HECW2: variants seen among roughly 807,000 people sequenced by gnomAD.
HECW2 encodes the protein HECT, C2 and WW domain containing E3 ubiquitin protein ligase 2, also known as E3 ubiquitin-protein ligase HECW2.
Under a neutral mutation model 175.2 loss-of-function variants are expected in HECW2, and 61 were observed. The ratio of observed to expected loss-of-function variants is 0.35; its 90% confidence interval spans 0.28 to 0.43. HECW2 has a LOEUF of 0.43. Among genes scored for constraint, HECW2 ranks in the 20% least tolerant of loss-of-function variants. HECW2 has a pLI of 1.00. For synonymous variants in HECW2, 671 were observed against 731.0 expected (o/e 0.92, Z 1.32); for missense variants, 1,524 against 2,000.5 (o/e 0.76, Z 4.54).
At chr2:196,512,444 T>C (rs1278648555) in intron 1 of HECW2, among the ~76,000 whole-genome samples, 1 of 152,132 alleles carries the variant, frequency 6.6e-6, no homozygotes, top group Non-Finnish European at 1.5e-5. Flanking sequence ...CAGGTTGGAG[T>C]GCAGTGGCAT....
intron 1 of HECW2, among the ~76,000 whole-genome samples, chr2:196,534,786 T>C (rs1469636472): frequency 6.6e-6 from 1 of 152,198 alleles, no homozygotes; most frequent in Non-Finnish European, 1.5e-5. Context: ...CTGCTTGCTT[T>C]GCCTACTCCA....
chr2:196,429,331 G>C (rs941771104), intron 2 of HECW2, among the ~76,000 whole-genome samples: 4 of 152,190 alleles, frequency 2.6e-5, no homozygotes, highest in Non-Finnish European at 5.9e-5. Flanking sequence ...GGCAGAAAAT[G>C]GACCCTTGTG....
At chr2:196,274,992 A>G (rs1010087258) in intron 15 of HECW2, among the ~76,000 whole-genome samples, 1 of 152,232 alleles carries the variant, frequency 6.6e-6, no homozygotes, top group South Asian at 2.1e-4. Flanking sequence ...GATTTTGAAA[A>G]GAGAGTTTTA....
At chr2:196,322,939 C>T (rs1240897225) in intron 6 of HECW2, among the ~76,000 whole-genome samples, 1 of 152,224 alleles carries the variant, frequency 6.6e-6, no homozygotes, top group African/African-American at 2.4e-5. Flanking sequence ...GTACTCCCTA[C>T]ATTTATTGTA....
At chr2:196,575,080 C>CAAAAAAAAAAAAAAAAAAA (rs1164886570) in intron 1 of HECW2, among the ~76,000 whole-genome samples, 1 of 29,844 alleles carries the variant, frequency 3.4e-5, no homozygotes, top group African/African-American at 1.6e-4. Flanking sequence ...GGCCTTGTCT[C>CAAAAAAAAAAAAAAAAAAA]AAAAAAAAAA....
intron 1 of HECW2, among the ~76,000 whole-genome samples, chr2:196,476,259 C>A (rs906508279): frequency 6.6e-6 from 1 of 152,026 alleles, no homozygotes; most frequent in African/African-American, 2.4e-5. Flanking sequence ...GCCTGGCCAA[C>A]ATGGCAAAAC....
At chr2:196,361,566 A>G (rs1196087603) in intron 2 of HECW2, among the ~76,000 whole-genome samples, 3 of 152,180 alleles carry the variant, frequency 2.0e-5, no homozygotes, top group Non-Finnish European at 4.4e-5. Flanking sequence ...AAAATTCACA[A>G]TGAGGTGACT....
intron 1 of HECW2, among the ~76,000 whole-genome samples, chr2:196,434,336 G>A (rs1695807579): frequency 6.6e-6 from 1 of 152,098 alleles, no homozygotes; most frequent in African/African-American, 2.4e-5. Context: ...TTGCCATCCT[G>A]ACTTTCTGGC....
At chr2:196,284,198 A>C (rs1236974319) in intron 14 of HECW2, among the ~76,000 whole-genome samples, 1 of 152,158 alleles carries the variant, frequency 6.6e-6, no homozygotes, top group Non-Finnish European at 1.5e-5. Flanking sequence ...GCAAAGTTTC[A>C]AGTGGAAAGA....
chr2:196,591,524 A>T (rs1691191029), intron 1 of HECW2, among the ~76,000 whole-genome samples: 1 of 152,222 alleles, frequency 6.6e-6, no homozygotes, highest in African/African-American at 2.4e-5. Flanking sequence ...CAAATAGCTC[A>T]ATTGGGACTT....
chr2:196,497,071 G>A (rs1687418180), intron 1 of HECW2, among the ~76,000 whole-genome samples: 2 of 152,156 alleles, frequency 1.3e-5, no homozygotes, highest in Non-Finnish European at 1.5e-5. Context: ...TGGTTTTCAG[G>A]AGCCCAAAGG....
intron 13 of HECW2, among the ~76,000 whole-genome samples, chr2:196,296,724 T>C (rs990310383): frequency 6.6e-6 from 1 of 151,532 alleles, no homozygotes; most frequent in African/African-American, 2.4e-5. Flanking sequence ...GCAGAAAGAG[T>C]TGGAAAAACA....
chr2:196,290,052 C>T (rs1298951869), intron 14 of HECW2: 1 of 152,192 alleles, frequency 6.6e-6, no homozygotes, highest in Non-Finnish European at 1.5e-5. Flanking sequence ...GCCTGTTAAT[C>T]TGTCTTGTCC....
intron 14 of HECW2, chr2:196,288,248 A>C (rs1003700894): frequency 2.0e-5 from 3 of 152,204 alleles, no homozygotes; most frequent in Non-Finnish European, 2.9e-5. Flanking sequence ...CTAAAACCCT[A>C]GTTTCATGAT....
At chr2:196,341,276 A>AGTGATTTTGCCAAAATCACTCCAAAGGAG (rs1692740535) in intron 3 of HECW2, among the ~76,000 whole-genome samples, 1 of 151,334 alleles carries the variant, frequency 6.6e-6, no homozygotes, top group African/African-American at 2.5e-5. Context: ...AGCATTTTGG[A>AGTGATTTTGCCAAAATCACTCCAAAGGAG]GTGATTTTGC....
At chr2:196,360,301 C>T (rs974188889) in intron 2 of HECW2, among the ~76,000 whole-genome samples, 5 of 152,136 alleles carry the variant, frequency 3.3e-5, no homozygotes, top group African/African-American at 4.8e-5. Context: ...AACCTAAATG[C>T]CCATCAATGA....
At position 196,273,049 on chromosome 2, in the gene HECW2, A is replaced by ATTTTTTTTTTTTTTTTTTT. The variant is rs778348590; in HGVS notation, c.3238+953_3238+971dup. On this transcript the variant is annotated intron_variant, in intron 16 of 28. Coordinates refer to ENST00000644978, the MANE Select transcript of HECW2 (RefSeq NM_001348768.2). ...CAAAGATAAATGGAGAGCTGGTCTA[A>ATTTTTTTTTTTTTTTTTTT]TTTTTTTTTTTTTTTTTTTTTTTTT... Among the ~76,000 whole-genome samples, 15 of 113,112 alleles carry ATTTTTTTTTTTTTTTTTTT rather than the reference A, an allele frequency of 1.3e-4. 1 individual carries two copies. Among genetic ancestry groups the ATTTTTTTTTTTTTTTTTTT allele is most frequent in the African/African-American group, 4.6e-4 (12 of 26,010 alleles). The allele number at this position is 113,112 out of a possible 152,430, so 74.2% of individuals were successfully genotyped here.
chr2:196,555,231 G>A (rs116623797), intron 1 of HECW2, among the ~76,000 whole-genome samples: 2,785 of 152,238 alleles, frequency 0.018, 36 homozygotes, highest in Middle Eastern at 0.048. Context: ...TTATGGAGGC[G>A]GGGAGGTGCA....
At chr2:196,554,991 T>G (rs2125490259) in intron 1 of HECW2, among the ~76,000 whole-genome samples, 1 of 152,208 alleles carries the variant, frequency 6.6e-6, no homozygotes, top group Non-Finnish European at 1.5e-5. Flanking sequence ...TGCACAACAC[T>G]CTGCCCTCTA....
Sources: allele counts gnomAD v4.1 joint callset (sites outside exome capture counted in the v4.1 genomes callset), GRCh38; gene constraint gnomAD v4.1.1; transcripts MANE v1.5; gene names NCBI Gene and HGNC (gene_info 2026-07-23, HGNC 2026-07-21).